The following TSPEAR variants were observed in gnomAD, a reference collection of about 807,000 sequenced individuals.
The protein encoded by TSPEAR is thrombospondin-type laminin G domain and EAR repeat-containing protein.
In TSPEAR, 69 loss-of-function variants were observed where a neutral mutation model predicts 71.6. That is an observed-to-expected ratio of 0.96 (90% CI 0.79 to 1.18). The LOEUF (loss-of-function observed/expected upper bound fraction) is 1.18. Among genes scored for constraint, TSPEAR ranks in the 50% most tolerant of loss-of-function variants. The pLI is 0.00. For synonymous variants in TSPEAR, 402 were observed against 387.2 expected (o/e 1.04, Z -0.45); for missense variants, 971 against 894.9 (o/e 1.09, Z -1.09).
chr21:44,627,189 G>A, intron 1 of TSPEAR: 1 of 1,612,818 alleles, frequency 6.2e-7, no homozygotes, highest in Non-Finnish European at 8.5e-7. Flanking sequence ...CGTCCACCAT[G>A]TCCATCCGCT....
chr21:44,588,865 T>C (rs1308850586), intron 1 of TSPEAR, among the ~76,000 whole-genome samples: 3 of 151,538 alleles, frequency 2.0e-5, no homozygotes, highest in East Asian at 3.9e-4. Flanking sequence ...CTGGATGAGA[T>C]TGGAGATTAT....
intron 4 of TSPEAR, among the ~76,000 whole-genome samples, chr21:44,530,459 G>A (rs112951965): frequency 9.5e-5 from 13 of 136,590 alleles, no homozygotes; most frequent in African/African-American, 3.9e-4. Flanking sequence ...ATCTCTCCAC[G>A]CATCCATCCC....
At chr21:44,509,771 C>T (rs985328567) in intron 9 of TSPEAR, 3 of 243,060 alleles carry the variant, frequency 1.2e-5, no homozygotes, top group Admixed American at 5.1e-5. Context: ...CTGCCCCTAG[C>T]GACCATCTGT....
chr21:44,558,416 G>A (rs62220865), intron 2 of TSPEAR: 77 of 1,613,868 alleles, frequency 4.8e-5, no homozygotes, highest in African/African-American at 2.0e-4. Context: ...AGACAGGCAC[G>A]CAGCAGGCCT....
At position 44,637,312 on chromosome 21, in the gene TSPEAR, C is replaced by T. The variant is rs1415713095; in HGVS notation, c.83-69307G>A. ...GAGTCTCCTGCTGGGAAAACACAGGCCCTGGGCATATAAAAGCCCCAGCAG... is the reference window on the plus strand; with the variant it reads ...GAGTCTCCTGCTGGGAAAACACAGGTCCTGGGCATATAAAAGCCCCAGCAG... On this transcript the variant is annotated intron_variant, in intron 1 of 11. Coordinates refer to ENST00000323084, the MANE Select transcript of TSPEAR (RefSeq NM_144991.3). 5 of 1,446,150 alleles carry T rather than the reference C, an allele frequency of 3.5e-6. No homozygotes were observed. The East Asian group carries it at 1.1e-4, about 33-fold the overall frequency. 89.6% of individuals were successfully genotyped at this position (1,446,150 alleles called of 1,614,324 possible). A position where few individuals can be genotyped will look rare whatever the true frequency, so the allele number is the denominator to read the frequency against.
intron 1 of TSPEAR, among the ~76,000 whole-genome samples, chr21:44,581,361 T>C (rs1555925110): frequency 6.6e-6 from 1 of 152,238 alleles, no homozygotes; most frequent in Non-Finnish European, 1.5e-5. Flanking sequence ...CTCACACTTA[T>C]ATGATAGTTT....
chr21:44,658,215 C>G (rs1569244825), intron 1 of TSPEAR: 1 of 1,614,188 alleles, frequency 6.2e-7, no homozygotes. Flanking sequence ...TGCCAGCCCC[C>G]CTGCACCACT....
intron 1 of TSPEAR, among the ~76,000 whole-genome samples, chr21:44,618,126 C>T (rs1287393723): frequency 2.0e-5 from 3 of 152,110 alleles, no homozygotes; most frequent in Non-Finnish European, 4.4e-5. Context: ...AACTGTCATC[C>T]CCAGGTGTTG....
rs917641428 is a variant in TSPEAR, at chr21:44,642,934, G to A, written c.82+68499C>T. ...GTGTATTTAAACAAGACAAATTAAA[G>A]CCAGAGCTCAGAGATACCTGCACTG... On this transcript the variant is annotated intron_variant, in intron 1 of 11. Transcript: ENST00000323084. The surrounding 1 kb of genome is among the most constrained non-coding windows in gnomAD (Gnocchi z 4.1). Among the ~76,000 whole-genome samples, 2 of 152,140 alleles carry A rather than the reference G, an allele frequency of 1.3e-5. No homozygotes were observed. Among genetic ancestry groups the A allele is most frequent in the Non-Finnish European group, 1.5e-5 (1 of 68,022 alleles).
chr21:44,575,719 C>G (rs892116049), intron 1 of TSPEAR, among the ~76,000 whole-genome samples: 1 of 152,218 alleles, frequency 6.6e-6, no homozygotes, highest in African/African-American at 2.4e-5. Context: ...GCCTCCCTAG[C>G]TTCAAAATCA....
chr21:44,560,430 C>T (rs2053615859), intron 2 of TSPEAR, among the ~76,000 whole-genome samples: 1 of 152,142 alleles, frequency 6.6e-6, no homozygotes, highest in Non-Finnish European at 1.5e-5. Context: ...ATCAATGTGA[C>T]AGAAAATTAA....
chr21:44,615,015 C>G (rs587743661), intron 1 of TSPEAR, among the ~76,000 whole-genome samples: 2 of 152,300 alleles, frequency 1.3e-5, no homozygotes, highest in South Asian at 4.1e-4. Flanking sequence ...CCATCGCTCA[C>G]CGGACGTGGC....
In TSPEAR at chr21:44,703,071, C is replaced by T. The variant is rs1427425682; in HGVS notation, c.82+8362G>A. 3.3e-5 allele frequency among the ~76,000 whole-genome samples: 5 copies of T among 152,210 alleles called. No homozygotes were observed. In the South Asian group the frequency reaches 8.3e-4, roughly 25 times the overall value. On this transcript the variant is annotated intron_variant, in intron 1 of 11. Transcript: ENST00000323084. ...TAGCCACAGGAGGTCCCTGGCCCCC[C>T]CTGCCCTTCTCCTCCAAGCCATTGG...
intron 2 of TSPEAR, among the ~76,000 whole-genome samples, chr21:44,563,887 T>A (rs147827009): frequency 6.6e-6 from 1 of 152,220 alleles, no homozygotes; most frequent in Non-Finnish European, 1.5e-5. Flanking sequence ...AACTTATGCC[T>A]TAACAAAGCT....
chr21:44,666,715 C>G, intron 1 of TSPEAR: 1 of 1,613,586 alleles, frequency 6.2e-7, no homozygotes, highest in Non-Finnish European at 8.5e-7. Flanking sequence ...TGGCAGCTCA[C>G]GGGCAGGCAC....
rs1387257449 is a variant in TSPEAR, at chr21:44,651,009, G to A, written c.82+60424C>T. 4.6e-5 allele frequency among the ~76,000 whole-genome samples: 7 copies of A among 152,310 alleles called. No individual in the cohort carries two copies. The East Asian group carries it at 9.7e-4, about 21-fold the overall frequency. ...TCCAGGTGGCGCCCCACCAGGGAGG[G>A]GGCACCAGGGGTGGACTCAGGCTCT... On this transcript the variant is annotated intron_variant, in intron 1 of 11. Transcript: ENST00000323084.
chr21:44,647,219 C>T (rs1555940320), intron 1 of TSPEAR: 1 of 1,613,352 alleles, frequency 6.2e-7, no homozygotes, highest in Non-Finnish European at 8.5e-7. Flanking sequence ...GTGCCCGTCT[C>T]CTCCTGCTGT....
chr21:44,635,845 G>T (rs1983530295), intron 1 of TSPEAR, among the ~76,000 whole-genome samples: 1 of 152,122 alleles, frequency 6.6e-6, no homozygotes, highest in East Asian at 1.9e-4. Context: ...CCTGCCAAGG[G>T]TTTCTAAGAA....
At chr21:44,544,694 G>C (rs1328132449) in intron 2 of TSPEAR, among the ~76,000 whole-genome samples, 2 of 152,008 alleles carry the variant, frequency 1.3e-5, no homozygotes, top group African/African-American at 4.8e-5. Flanking sequence ...TGCTGCCCGG[G>C]GGGAGCCACA....
Sources: gnomAD v4.1 joint callset for allele counts (sites outside exome capture counted in the v4.1 genomes callset) on GRCh38, gnomAD v4.1.1 for gene constraint, Gnocchi (gnomAD v3.1) non-coding constraint, MANE v1.5 for transcripts, NCBI Gene and HGNC (gene_info 2026-07-23, HGNC 2026-07-21) for gene names.